The following CSNK2A2IP variants were observed in gnomAD, a reference collection of about 807,000 sequenced individuals.
CSNK2A2IP encodes casein kinase II subunit alpha'-interacting protein.
chr3:88,457,695 C>CAAAT, the CSNK2A2IP span, among the ~76,000 whole-genome samples: 3 of 110,300 alleles, frequency 2.7e-5, no homozygotes, highest in African/African-American at 7.2e-5. Context: ...GACTCAGTCT[C>CAAAT]AAAATAAAAT....
the CSNK2A2IP span, among the ~76,000 whole-genome samples, chr3:88,398,066 A>C: frequency 0.016 from 2,511 of 152,266 alleles, 88 homozygotes; most frequent in African/African-American, 0.058. Context: ...ATGATTTCCT[A>C]TAATAAAACA....
the CSNK2A2IP span, chr3:88,465,218 A>G: frequency 2.2e-6 from 1 of 449,162 alleles, no homozygotes; most frequent in African/African-American, 2.0e-5. Flanking sequence ...TTGAGAATTA[A>G]CAGAAATATT....
chr3:88,375,637 T>TA, the CSNK2A2IP span, among the ~76,000 whole-genome samples: 1 of 151,832 alleles, frequency 6.6e-6, no homozygotes, highest in Admixed American at 6.6e-5. Context: ...AGAAAGGGCC[T>TA]AAAAACCCAA....
the CSNK2A2IP span, among the ~76,000 whole-genome samples, chr3:88,389,841 T>A: frequency 1.4e-4 from 20 of 145,318 alleles, no homozygotes; most frequent in Non-Finnish European, 2.9e-4. Context: ...TTTTTTTTTT[T>A]AATTGGGGAG....
chr3:88,429,589 T>G, the CSNK2A2IP span, among the ~76,000 whole-genome samples: 1 of 6,798 alleles, frequency 1.5e-4, no homozygotes, highest in Admixed American at 1.8e-3. Flanking sequence ...TGAACGAGGC[T>G]ATGTTCTCTA....
chr3:88,390,953 A>G, the CSNK2A2IP span, among the ~76,000 whole-genome samples: 2 of 152,202 alleles, frequency 1.3e-5, no homozygotes, highest in African/African-American at 2.4e-5. Context: ...TTAAAAGGAA[A>G]TCTTCCCATA....
chr3:88,371,293 C>T, the CSNK2A2IP span, among the ~76,000 whole-genome samples: 62,532 of 151,540 alleles, frequency 0.41, 14,829 homozygotes, highest in South Asian at 0.6. Flanking sequence ...AAGAAAAATA[C>T]GTTCAAAGAT....
the CSNK2A2IP span, among the ~76,000 whole-genome samples, chr3:88,351,325 C>G: frequency 6.6e-6 from 1 of 151,982 alleles, no homozygotes; most frequent in African/African-American, 2.4e-5. Context: ...TGAATGACAG[C>G]TTGTTAGATA....
At chr3:88,353,199 T>A in the CSNK2A2IP span, among the ~76,000 whole-genome samples, 4 of 152,182 alleles carry the variant, frequency 2.6e-5, no homozygotes, top group Non-Finnish European at 5.9e-5. Context: ...ATCTCTGGAT[T>A]CTGGAAAGGC....
chr3:88,357,257 T>A, the CSNK2A2IP span, among the ~76,000 whole-genome samples: 1 of 152,212 alleles, frequency 6.6e-6, no homozygotes, highest in Non-Finnish European at 1.5e-5. Context: ...AATTTAAGTA[T>A]TTAATCCATT....
At chr3:88,379,835 A>G in the CSNK2A2IP span, among the ~76,000 whole-genome samples, 327 of 152,242 alleles carry the variant, frequency 2.1e-3, 2 homozygotes, top group African/African-American at 7.6e-3. Flanking sequence ...TTTGTAGTGC[A>G]GGCTATTGTT....
chr3:88,462,114 C>CGTAT, the CSNK2A2IP span, among the ~76,000 whole-genome samples: 2 of 143,152 alleles, frequency 1.4e-5, no homozygotes, highest in Non-Finnish European at 3.0e-5. Flanking sequence ...GAGTTTTTTT[C>CGTAT]ATATATATAT....
chr3:88,424,641 A>G, the CSNK2A2IP span, among the ~76,000 whole-genome samples: 2 of 152,176 alleles, frequency 1.3e-5, no homozygotes, highest in African/African-American at 4.8e-5. Flanking sequence ...GAAGCCACCC[A>G]TCAAGTGCTG....
chr3:88,451,321 C>G, the CSNK2A2IP span, among the ~76,000 whole-genome samples: 1 of 151,754 alleles, frequency 6.6e-6, no homozygotes, highest in Non-Finnish European at 1.5e-5. Context: ...TTTGCATTTT[C>G]TTGATGATTA....
chr3:88,349,719 C>A, the CSNK2A2IP span, among the ~76,000 whole-genome samples: 2 of 151,988 alleles, frequency 1.3e-5, no homozygotes, highest in African/African-American at 4.8e-5. Context: ...ATACTGTTTT[C>A]CATACTGGTT....
the CSNK2A2IP span, among the ~76,000 whole-genome samples, chr3:88,370,525 AG>A: frequency 6.6e-6 from 1 of 151,600 alleles, no homozygotes; most frequent in African/African-American, 2.4e-5. Flanking sequence ...CCTTCCATGA[AG>A]GGACACTTCA....
the CSNK2A2IP span, among the ~76,000 whole-genome samples, chr3:88,370,085 G>A: frequency 6.6e-6 from 1 of 151,844 alleles, no homozygotes; most frequent in Middle Eastern, 3.4e-3. Context: ...GTGGCTTATG[G>A]AACCAAAACC....
chr3:88,445,957 T>C, the CSNK2A2IP span, among the ~76,000 whole-genome samples: 3 of 125,010 alleles, frequency 2.4e-5, no homozygotes, highest in Non-Finnish European at 3.8e-5. Flanking sequence ...TCTCTCTCTC[T>C]CTCCCTCCCT....
At chr3:88,349,033 A>G in the CSNK2A2IP span, among the ~76,000 whole-genome samples, 3 of 151,988 alleles carry the variant, frequency 2.0e-5, no homozygotes, top group African/African-American at 7.2e-5. Flanking sequence ...CTTCAAACCC[A>G]GATTACTGCA....
Sources: allele counts gnomAD v4.1 joint callset (sites outside exome capture counted in the v4.1 genomes callset), GRCh38; gene constraint gnomAD v4.1.1; transcripts MANE v1.5; gene names NCBI Gene and HGNC (gene_info 2026-07-23, HGNC 2026-07-21).